The following KCNIP4 variants were observed in gnomAD, a reference collection of about 807,000 sequenced individuals.
KCNIP4 encodes the protein Kv channel-interacting protein 4.
Under a neutral mutation model 34.0 loss-of-function variants are expected in KCNIP4, and 12 were observed. The ratio of observed to expected loss-of-function variants is 0.35; its 90% CI spans 0.23 to 0.57. The LOEUF (loss-of-function observed/expected upper bound fraction) is 0.57. Ranked by LOEUF, KCNIP4 falls within the 20% of genes least tolerant of loss-of-function variation. The probability of loss-of-function intolerance (pLI) is 0.83; values close to 1 mark genes in which losing one functional copy is unlikely to be tolerated. For missense variants in KCNIP4, 238 were observed against 311.7 expected (o/e 0.76, Z 1.78); for synonymous variants, 124 against 102.2 (o/e 1.21, Z -1.29).
At chr4:21,352,712 A>G (rs1718141127) in intron 1 of KCNIP4, among the ~76,000 whole-genome samples, 1 of 152,240 alleles carries the variant, frequency 6.6e-6, no homozygotes, top group South Asian at 2.1e-4. Flanking sequence ...TAGCTGAACA[A>G]AAGGCAGCAG....
chr4:21,636,756 G>A (rs940470123), intron 1 of KCNIP4, among the ~76,000 whole-genome samples: 4 of 152,100 alleles, frequency 2.6e-5, no homozygotes, highest in African/African-American at 9.7e-5. Flanking sequence ...CTTCACAATG[G>A]CAAATAAGAA....
chr4:21,752,295 C>T (rs114454165), intron 1 of KCNIP4, among the ~76,000 whole-genome samples: 1,585 of 152,020 alleles, frequency 0.01, 31 homozygotes, highest in African/African-American at 0.036. Flanking sequence ...CTGAGGGGGG[C>T]GCCTCAGGAA....
chr4:21,166,051 C>A lies in KCNIP4; in HGVS notation c.62-283342G>T, dbSNP rs750300209. On this transcript the variant is annotated intron_variant, in intron 1 of 8. Transcript: ENST00000382152. Reference sequence around the variant, plus strand: ...TTACCAGACACTGAACCTGCAGACACCTTGATCTTAGACTTTTCAACCTCC... The same window carrying A: ...TTACCAGACACTGAACCTGCAGACAACTTGATCTTAGACTTTTCAACCTCC... Among the ~76,000 whole-genome samples, 9 of 152,228 alleles carry A rather than the reference C, an allele frequency of 5.9e-5. No homozygotes were observed. The South Asian group carries it at 8.3e-4, about 14-fold the overall frequency.
intron 1 of KCNIP4, among the ~76,000 whole-genome samples, chr4:21,500,750 A>G (rs537757819): frequency 1.3e-5 from 2 of 152,304 alleles, no homozygotes; most frequent in South Asian, 4.1e-4. Context: ...CTGATTATTT[A>G]GACTTAAAAT....
At position 21,684,754 on chromosome 4, in the gene KCNIP4, G is replaced by C. The variant is rs187932570; in HGVS notation, c.61+263817C>G. 2.6e-3 allele frequency among the ~76,000 whole-genome samples: 402 copies of C among 152,116 alleles called. 1 individual carries two copies. The highest frequency in any genetic ancestry group is 7.7e-3 in the African/African-American group (321 of 41,494). On this transcript the variant is annotated intron_variant, in intron 1 of 8. Transcript: ENST00000382152. ...TACATATGTATACATGTGCCATGTT[G>C]GTGTGCTGCACCCATTAACTCGTCA...
chr4:21,549,680 A>G (rs73801667), intron 1 of KCNIP4, among the ~76,000 whole-genome samples: 1,706 of 152,116 alleles, frequency 0.011, 43 homozygotes, highest in African/African-American at 0.04. Flanking sequence ...GGGCTAATAC[A>G]CTACTTCTAT....
chr4:20,807,750 T>A (rs1046137339), intron 3 of KCNIP4, among the ~76,000 whole-genome samples: 4 of 152,106 alleles, frequency 2.6e-5, no homozygotes, highest in Non-Finnish European at 2.9e-5. Context: ...GCTCAGTAAC[T>A]CATCCCCAAT....
intron 1 of KCNIP4, among the ~76,000 whole-genome samples, chr4:21,379,516 C>A (rs2109469077): frequency 6.6e-6 from 1 of 152,294 alleles, no homozygotes; most frequent in South Asian, 2.1e-4. Context: ...AGTTTTACTA[C>A]TAGGTGGGAG....
At chr4:21,264,590 A>G (rs924817293) in intron 1 of KCNIP4, among the ~76,000 whole-genome samples, 3 of 152,222 alleles carry the variant, frequency 2.0e-5, no homozygotes, top group African/African-American at 7.2e-5. Context: ...ATGCTCATCA[A>G]GGTGTCCTAA....
At chr4:21,937,284 T>C (rs192837952) in intron 1 of KCNIP4, among the ~76,000 whole-genome samples, 1 of 152,070 alleles carries the variant, frequency 6.6e-6, no homozygotes, top group Non-Finnish European at 1.5e-5. Flanking sequence ...TCCGCCTATA[T>C]TCCTTGTCTC....
intron 1 of KCNIP4, among the ~76,000 whole-genome samples, chr4:21,760,704 C>G (rs1717990713): frequency 6.6e-6 from 1 of 152,040 alleles, no homozygotes; most frequent in Non-Finnish European, 1.5e-5. Flanking sequence ...CTCTAAATTT[C>G]TGTCAAGTAT....
intron 3 of KCNIP4, among the ~76,000 whole-genome samples, chr4:20,772,162 T>A (rs1160836513): frequency 6.6e-6 from 1 of 152,136 alleles, no homozygotes; most frequent in African/African-American, 2.4e-5. Flanking sequence ...TGAACTTGAG[T>A]TTGACTGCAA....
chr4:20,994,500 C>G (rs902724790), intron 1 of KCNIP4, among the ~76,000 whole-genome samples: 20 of 152,258 alleles, frequency 1.3e-4, no homozygotes, highest in Non-Finnish European at 1.0e-4. Flanking sequence ...GAGGAAAGTA[C>G]ATTTCAAAAT....
chr4:21,744,180 T>C (rs1426709066), intron 1 of KCNIP4, among the ~76,000 whole-genome samples: 1 of 152,200 alleles, frequency 6.6e-6, no homozygotes, highest in African/African-American at 2.4e-5. Context: ...AATCTAACCA[T>C]GACCACAATC....
intron 1 of KCNIP4, among the ~76,000 whole-genome samples, chr4:21,501,242 TCTCTCTCA>T (rs1273029949): frequency 6.8e-5 from 9 of 132,190 alleles, no homozygotes; most frequent in Admixed American, 2.3e-4. Context: ...TCTCTCTCTC[TCTCTCTCA>T]CACACACACA....
At chr4:21,409,404 T>G (rs1452544479) in intron 1 of KCNIP4, among the ~76,000 whole-genome samples, 1 of 152,158 alleles carries the variant, frequency 6.6e-6, no homozygotes, top group Non-Finnish European at 1.5e-5. Context: ...GCCTCAAGTA[T>G]TATTTTGAAT....
intron 1 of KCNIP4, among the ~76,000 whole-genome samples, chr4:21,443,535 A>T (rs572430338): frequency 2.7e-4 from 41 of 152,340 alleles, no homozygotes; most frequent in Admixed American, 2.5e-3. Flanking sequence ...TACCCAATCA[A>T]TTGAATGCCT....
intron 1 of KCNIP4, among the ~76,000 whole-genome samples, chr4:21,495,965 G>A (rs1479715314): frequency 6.6e-6 from 1 of 152,146 alleles, no homozygotes; most frequent in Non-Finnish European, 1.5e-5. Flanking sequence ...TGTGGGTGGG[G>A]CCCTGCAATC....
At chr4:20,840,937 G>A (rs1452493059) in intron 3 of KCNIP4, among the ~76,000 whole-genome samples, 1 of 152,098 alleles carries the variant, frequency 6.6e-6, no homozygotes, top group Non-Finnish European at 1.5e-5. Context: ...GCAAACACAG[G>A]ACACGAATAA....
Sources: allele counts gnomAD v4.1 joint callset (sites outside exome capture counted in the v4.1 genomes callset), GRCh38; gene constraint gnomAD v4.1.1; transcripts MANE v1.5; gene names NCBI Gene and HGNC (gene_info 2026-07-23, HGNC 2026-07-21).